Variants in TLE5 observed in about 807,000 individuals in gnomAD.
The protein encoded by TLE5 is TLE family member 5, transcriptional modulator.
Under a neutral mutation model 25.8 loss-of-function variants are expected in TLE5, and 7 were observed. The observed-to-expected ratio is 0.27, with a 90% CI of 0.15 to 0.51. TLE5 has a LOEUF of 0.51. Among genes scored for constraint, TLE5 ranks in the 20% least tolerant of loss-of-function variants. The pLI is 0.97. For missense variants in TLE5, 149 were observed against 250.7 expected (o/e 0.59, Z 2.74); for synonymous variants, 132 against 110.5 (o/e 1.20, Z -1.22).
chr19:3,059,280 G>C (rs953901461), intron 2 of TLE5, among the ~76,000 whole-genome samples: 1 of 152,220 alleles, frequency 6.6e-6, no homozygotes, highest in Admixed American at 6.5e-5. Context: ...CCAGCATTTT[G>C]GGAGGCCAAG....
At chr19:3,057,610 T>G in intron 3 of TLE5, 69 bp downstream of exon 3, 6 of 1,453,944 alleles carry the variant, frequency 4.1e-6, no homozygotes, top group Non-Finnish European at 5.8e-6. Flanking sequence ...CAGCTGCCCG[T>G]GGTGGAGGGG....
chr19:3,054,992 G>C (rs2090205005), intron 5 of TLE5: 1 of 152,426 alleles, frequency 6.6e-6, no homozygotes, highest in Admixed American at 6.5e-5. Flanking sequence ...CATGGCCCTG[G>C]GGAGGGGCGG....
intron 5 of TLE5, 87 bp downstream of exon 5, chr19:3,055,577 G>T: frequency 7.7e-7 from 1 of 1,306,904 alleles, no homozygotes; most frequent in Non-Finnish European, 1.0e-6. Context: ...GGGGCGCCCA[G>T]CACACCACCC....
chr19:3,061,652 T>G (rs1253727484), intron 1 of TLE5, among the ~76,000 whole-genome samples: 1 of 149,414 alleles, frequency 6.7e-6, no homozygotes. Flanking sequence ...CCCTGCAAAG[T>G]CCTCTTGGGG....
chr19:3,057,579 A>T, intron 3 of TLE5, 100 bp downstream of exon 3: 7 of 1,150,156 alleles, frequency 6.1e-6, no homozygotes, highest in Non-Finnish European at 9.1e-6. Flanking sequence ...TTCCCAGGGG[A>T]GGTGGCCGGG....
In TLE5 at chr19:3,057,557, C is replaced by T. The variant is rs560140295; in HGVS notation, c.189+122G>A. ...GGCCGGCTGAATGGAGAACAGGCCCCGATCCTCGCGCTTCCCAGGGGAGGT... is the reference window on the plus strand; with the variant it reads ...GGCCGGCTGAATGGAGAACAGGCCCTGATCCTCGCGCTTCCCAGGGGAGGT... On this transcript the variant is annotated intron_variant, in intron 3 of 6. Coordinates refer to ENST00000327141, the MANE Select transcript of TLE5 (RefSeq NM_001130.6). The T allele has an allele frequency of 1.6e-5, 15 of 938,602 alleles. 1 individual carries two copies. The South Asian group carries it at 1.8e-4, about 12-fold the overall frequency. 58.1% of individuals were successfully genotyped at this position (938,602 alleles called of 1,614,324 possible).
rs372540435 is a variant in TLE5, at chr19:3,056,296, G to A, written c.234+16C>T. 1.3e-6 allele frequency: 2 copies of A among 1,515,374 alleles called. No homozygotes were observed. The highest frequency in any genetic ancestry group is 2.6e-5 in the East Asian group (1 of 38,928). The allele number at this position is 1,515,374 out of a possible 1,614,324, so 93.9% of individuals were successfully genotyped here. ...GAAGGAGGAGGAGGAGGAGGAGGAG[G>A]AGGAGATGGGCGTACCTGTTTGTGC... On this transcript the variant is annotated intron_variant, in intron 4 of 6. Coordinates refer to ENST00000327141, the MANE Select transcript of TLE5 (RefSeq NM_001130.6).
chr19:3,057,641 C>G (rs376750954), intron 3 of TLE5, 38 bp downstream of exon 3: 1 of 1,605,074 alleles, frequency 6.2e-7, no homozygotes, highest in Non-Finnish European at 8.5e-7. Flanking sequence ...CCCTGTCGCC[C>G]GCCCCCAACA....
intron 3 of TLE5, chr19:3,056,634 TC>T: frequency 1.6e-6 from 1 of 640,782 alleles, no homozygotes; most frequent in Non-Finnish European, 2.9e-6. Flanking sequence ...GCCTGGCTCC[TC>T]CCCCACTCCA....
Position 3,062,423 on chromosome 19 carries a change from C to G in TLE5, c.-223G>C. On this transcript the variant is annotated 5_prime_UTR_variant, in exon 1 of 7. Coordinates refer to ENST00000327141, the MANE Select transcript of TLE5 (RefSeq NM_001130.6). ...TTCCTGCGCGCCCGGCGCCCCTCCC[C>G]GCCCCTCCCCGCCGCCCGCCTCCCC... is the stretch of plus-strand genomic sequence containing the variant. The G allele has an allele frequency of 1.3e-6, 1 of 782,198 alleles. No homozygotes were observed. Among genetic ancestry groups the G allele is most frequent in the Non-Finnish European group, 1.5e-6 (1 of 647,528 alleles). 48.5% of individuals were successfully genotyped at this position (782,198 alleles called of 1,614,324 possible).
At chr19:3,061,296 G>C (rs1441547769) in intron 1 of TLE5, 39 bp from the exon 2 acceptor site, 3 of 1,536,354 alleles carry the variant, frequency 2.0e-6, no homozygotes, top group African/African-American at 2.7e-5. Flanking sequence ...CCCAGGCGTG[G>C]GCTGGACCCC....
Position 3,054,170 on chromosome 19 carries a change from T to C in TLE5, c.322A>G (p.Ile108Val). Residue 108 changes from isoleucine to valine, a missense_variant, in exon 6 of 7, where the codon ATT (isoleucine) becomes GTT (valine). By Grantham distance (29) the Ile-to-Val change is conservative. Coordinates refer to ENST00000327141, the MANE Select transcript of TLE5 (RefSeq NM_001130.6). ...QEHQQQVLGA[I>V]ERAKQVTAPE... ...GCGGTGACCTGCTTGGCCCTCTCAA[T>C]GGCTCCCAAGACCTGCTGCTGGTGC... The C allele has an allele frequency of 3.2e-6, 5 of 1,539,114 alleles. No individual in the cohort carries two copies. The highest frequency in any genetic ancestry group is 4.4e-6 in the Non-Finnish European group (5 of 1,141,636).
upstream of TLE5, chr19:3,062,670 C>T: frequency 7.2e-7 from 1 of 1,382,130 alleles, no homozygotes; most frequent in Non-Finnish European, 9.3e-7. Flanking sequence ...GCCCCCGCCC[C>T]GGGCAGCGGC....
chr19:3,055,604 A>G, intron 5 of TLE5, 60 bp downstream of exon 5: 1 of 1,478,478 alleles, frequency 6.8e-7, no homozygotes, highest in South Asian at 1.3e-5. Flanking sequence ...GCTGCAGTGG[A>G]CAGGGGCTGG....
chr19:3,059,433 A>C (rs1300905317), intron 2 of TLE5, among the ~76,000 whole-genome samples: 1 of 152,162 alleles, frequency 6.6e-6, no homozygotes, highest in Non-Finnish European at 1.5e-5. Context: ...GAAACAGAAG[A>C]ATCGCTTGAA....
intron 3 of TLE5, chr19:3,057,416 C>T (rs544391335): frequency 3.6e-4 from 178 of 495,726 alleles, no homozygotes; most frequent in African/African-American, 3.2e-3. Flanking sequence ...CTCCCTCCTC[C>T]GCTGCCAAGG....
chr19:3,054,121 C>T lies in TLE5; in HGVS notation c.371G>A (p.Arg124Gln). 2.4e-6 allele frequency: 3 copies of T among 1,242,624 alleles called. No homozygotes were observed. The highest frequency in any genetic ancestry group is 3.4e-6 in the Non-Finnish European group (3 of 880,856). 77.0% of individuals were successfully genotyped at this position (1,242,624 alleles called of 1,614,324 possible). ...VTAPELNSII[R>Q]QQLQAHQLSQ... ...ACCCGCCCAGGTCCCCATACATACT[C>T]GGATGATAGAGTTCAGCTCGGGAGC... Residue 124 changes from arginine to glutamine, a missense_variant and splice_region_variant, in exon 6 of 7, where the codon CGA becomes CAA. Arg to Gln is a conservative substitution (Grantham distance 43). Coordinates refer to ENST00000327141, the MANE Select transcript of TLE5 (RefSeq NM_001130.6).
intron 1 of TLE5, 29 bp downstream of exon 1, chr19:3,062,145 G>T: frequency 8.8e-7 from 1 of 1,142,836 alleles, no homozygotes; most frequent in Admixed American, 4.7e-5. Flanking sequence ...ATCCGGGGTG[G>T]GGGCGCCGGC....
chr19:3,062,195 C>CATGAT lies in TLE5; in HGVS notation c.5_6insATCAT (p.Met2IlefsTer63). 8.6e-7 allele frequency: 1 copy of CATGAT among 1,159,646 alleles called. No individual in the cohort carries two copies. Among genetic ancestry groups the CATGAT allele is most frequent in the South Asian group, 4.2e-5 (1 of 23,752 alleles). 71.8% of individuals were successfully genotyped at this position (1,159,646 alleles called of 1,614,324 possible). ...TTACCGAATGCCTGCTTTGTGGAAA[C>CATGAT]ATCATGTCAATCGCGGCGGGGGGCG... On this transcript the variant is annotated frameshift_variant, in exon 1 of 7. Transcript: ENST00000327141. LOFTEE classifies it high-confidence loss of function.
Sources: allele counts gnomAD v4.1 joint callset (sites outside exome capture counted in the v4.1 genomes callset), GRCh38; gene constraint gnomAD v4.1.1; transcripts MANE v1.5; gene names NCBI Gene and HGNC (gene_info 2026-07-23, HGNC 2026-07-21).